The following MPPED1 variants were observed in gnomAD, a reference collection of about 807,000 sequenced individuals.
MPPED1 encodes metallophosphoesterase domain-containing protein 1.
MPPED1 carries 16 observed loss-of-function variants against 36.2 expected under a neutral mutation model. The observed-to-expected ratio is 0.44, with a 90% CI of 0.30 to 0.67. The LOEUF (loss-of-function observed/expected upper bound fraction) is 0.67, where lower values mean the gene tolerates loss of function less well. MPPED1 is among the 30% of genes least tolerant of loss of function. The pLI, the probability that MPPED1 is intolerant of heterozygous loss-of-function variation, is 0.10. For missense variants in MPPED1, 307 were observed against 453.4 expected (o/e 0.68, Z 2.93); for synonymous variants, 199 against 191.3 (o/e 1.04, Z -0.33).
intron 2 of MPPED1, among the ~76,000 whole-genome samples, chr22:43,429,537 G>C (rs1457131082): frequency 6.6e-6 from 1 of 152,254 alleles, no homozygotes; most frequent in African/African-American, 2.4e-5. Context: ...ATCTCACCCA[G>C]GTGTCACCAC....
chr22:43,418,372 T>C, intron 1 of MPPED1: 1 of 346,826 alleles, frequency 2.9e-6, no homozygotes, highest in Non-Finnish European at 5.7e-6. Flanking sequence ...CCTCTGGTAG[T>C]GCAATCCTCC....
chr22:43,426,771 C>T (rs774481324), intron 2 of MPPED1, among the ~76,000 whole-genome samples: 2 of 152,330 alleles, frequency 1.3e-5, no homozygotes, highest in Middle Eastern at 3.4e-3. Flanking sequence ...TGCTTGTCTC[C>T]GTGTGGGGCC....
At chr22:43,423,364 G>C (rs1024635193) in intron 1 of MPPED1, among the ~76,000 whole-genome samples, 7 of 152,192 alleles carry the variant, frequency 4.6e-5, no homozygotes, top group Non-Finnish European at 1.0e-4. Flanking sequence ...GCAGGCCCCT[G>C]CTCCCCCACC....
chr22:43,486,981 G>A (rs1443330454), intron 4 of MPPED1, among the ~76,000 whole-genome samples: 1 of 152,164 alleles, frequency 6.6e-6, no homozygotes, highest in East Asian at 1.9e-4. Flanking sequence ...GACTGTCAGG[G>A]ACTCTGAGGT....
chr22:43,473,773 C>T (rs1336189547), intron 3 of MPPED1, among the ~76,000 whole-genome samples: 2 of 152,110 alleles, frequency 1.3e-5, no homozygotes, highest in Non-Finnish European at 2.9e-5. Context: ...CTGCATAGAG[C>T]CAGCCTGGTG....
Position 43,474,456 on chromosome 22 carries a change from C to A in MPPED1, c.407-280C>A, listed in dbSNP as rs961974598. Among the ~76,000 whole-genome samples the A allele has an allele frequency of 1.3e-5, 2 of 152,256 alleles. No homozygotes were observed. ...TGTTGGGGGCCTGGCAGCAGGTACC[C>A]CTGTCAGCGATTCCAGCAGCTTCCT... is the stretch of plus-strand genomic sequence containing the variant. On this transcript the variant is annotated intron_variant, in intron 3 of 6. Transcript: ENST00000443721. This position sits in a 1 kb window ranked among gnomAD's most constrained non-coding sequence, Gnocchi z 5.2.
chr22:43,480,395 C>T (rs183100791), intron 4 of MPPED1, among the ~76,000 whole-genome samples: 107 of 152,332 alleles, frequency 7.0e-4, no homozygotes, highest in African/African-American at 2.3e-3. Context: ...TTGATTCTCA[C>T]GGGTGTGTGC....
chr22:43,498,211 CA>C (rs1195153157), intron 4 of MPPED1, 23 bp from the exon 5 acceptor site: 6 of 1,526,368 alleles, frequency 3.9e-6, no homozygotes, highest in Non-Finnish European at 5.3e-6. Flanking sequence ...CGCCCTCCCT[CA>C]AACACCTGCA....
At chr22:43,503,347 T>G (rs1932765692) in intron 6 of MPPED1, among the ~76,000 whole-genome samples, 1 of 152,194 alleles carries the variant, frequency 6.6e-6, no homozygotes, top group African/African-American at 2.4e-5. Context: ...CACAGATGCC[T>G]CTTTTTTTGC....
intron 3 of MPPED1, among the ~76,000 whole-genome samples, chr22:43,447,488 A>G (rs1010150449): frequency 6.6e-6 from 1 of 152,010 alleles, no homozygotes; most frequent in South Asian, 2.1e-4. Flanking sequence ...TGTCTATGCA[A>G]CCTGCCCCTG....
At chr22:43,421,634 C>A (rs1929279175) in intron 1 of MPPED1, among the ~76,000 whole-genome samples, 1 of 152,188 alleles carries the variant, frequency 6.6e-6, no homozygotes, top group Non-Finnish European at 1.5e-5. Context: ...GACACCCACC[C>A]TCTGCCAAGC....
intron 4 of MPPED1, among the ~76,000 whole-genome samples, chr22:43,491,785 T>C (rs778552375): frequency 1.3e-5 from 2 of 149,874 alleles, no homozygotes; most frequent in Non-Finnish European, 3.0e-5. Context: ...ATGGAGGTGG[T>C]GGTAATGATT....
intron 6 of MPPED1, among the ~76,000 whole-genome samples, chr22:43,504,122 A>G (rs1050350667): frequency 6.8e-6 from 1 of 146,178 alleles, no homozygotes; most frequent in Non-Finnish European, 1.5e-5. Context: ...GTGGGTAGTG[A>G]TGATGGTGAT....
chr22:43,462,736 C>A (rs1389457625), intron 3 of MPPED1, among the ~76,000 whole-genome samples: 1 of 152,120 alleles, frequency 6.6e-6, no homozygotes, highest in Non-Finnish European at 1.5e-5. Context: ...GGAGGCTTAC[C>A]TCCTGGAGCC....
At chr22:43,452,022 CTT>C (rs543788616) in intron 3 of MPPED1, among the ~76,000 whole-genome samples, 15 of 144,546 alleles carry the variant, frequency 1.0e-4, no homozygotes, top group Admixed American at 1.4e-4. Flanking sequence ...TTTTTTCTTT[CTT>C]TTTTTTTTTT....
intron 4 of MPPED1, among the ~76,000 whole-genome samples, chr22:43,492,687 C>T (rs1932141089): frequency 6.6e-6 from 1 of 152,208 alleles, no homozygotes; most frequent in African/African-American, 2.4e-5. Context: ...GTGCAAGGGG[C>T]TCTCCTGGAG....
chr22:43,499,345 G>T (rs1569090996), intron 5 of MPPED1, among the ~76,000 whole-genome samples: 1 of 121,790 alleles, frequency 8.2e-6, no homozygotes, highest in Non-Finnish European at 1.9e-5. Context: ...GTGGTGGGAG[G>T]TAGTGATGGT....
intron 1 of MPPED1, among the ~76,000 whole-genome samples, chr22:43,420,988 TC>T (rs1470041809): frequency 6.6e-6 from 1 of 152,132 alleles, no homozygotes; most frequent in Non-Finnish European, 1.5e-5. Flanking sequence ...CCCCCGTAGT[TC>T]CATTTTGGGG....
chr22:43,446,858 C>A lies in MPPED1; in HGVS notation c.406+11643C>A, dbSNP rs181190429. Among the ~76,000 whole-genome samples, 3 of 152,302 alleles carry A rather than the reference C, an allele frequency of 2.0e-5. No homozygotes were observed. In the East Asian group the frequency reaches 5.8e-4, roughly 29 times the overall value. The stretch of plus-strand genomic sequence containing the variant: ...TTGTTCTACACCCTGTGCCAGACAC[C>A]AGAGATACCGTGGGCAGCAAATCAA... On this transcript the variant is annotated intron_variant, in intron 3 of 6. Transcript: ENST00000443721.
Sources: gnomAD v4.1 joint callset for allele counts (sites outside exome capture counted in the v4.1 genomes callset) on GRCh38, gnomAD v4.1.1 for gene constraint, Gnocchi (gnomAD v3.1) non-coding constraint, MANE v1.5 for transcripts, NCBI Gene and HGNC (gene_info 2026-07-23, HGNC 2026-07-21) for gene names.